The following FHIP1A variants were observed in gnomAD, a reference collection of about 807,000 sequenced individuals.
FHIP1A encodes the protein FHF complex subunit HOOK-interacting protein 1A.
A neutral mutation model predicts 88.6 loss-of-function variants in FHIP1A; 61 were observed. The ratio of observed to expected loss-of-function variants is 0.69; its 90% confidence interval spans 0.56 to 0.85. FHIP1A has a LOEUF of 0.85. Ranked by LOEUF, FHIP1A falls within the 40% of genes least tolerant of loss-of-function variation. The pLI is 0.00. For missense variants in FHIP1A, 1,154 were observed against 1,273.5 expected (o/e 0.91, Z 1.43); for synonymous variants, 478 against 496.0 (o/e 0.96, Z 0.48).
At chr4:151,572,199 T>A (rs537920462) in intron 4 of FHIP1A, among the ~76,000 whole-genome samples, 1 of 152,168 alleles carries the variant, frequency 6.6e-6, no homozygotes, top group Non-Finnish European at 1.5e-5. Context: ...AGAGCGAGAC[T>A]CCATCTCAAA....
At chr4:151,490,690 T>C (rs1435280266) in intron 3 of FHIP1A, among the ~76,000 whole-genome samples, 1 of 151,992 alleles carries the variant, frequency 6.6e-6, no homozygotes, top group Non-Finnish European at 1.5e-5. Context: ...GGTTGATTAT[T>C]AATCTACTCA....
Position 151,462,573 on chromosome 4 carries a change from T to C in FHIP1A, c.-248+7765T>C, listed in dbSNP as rs139379606. Among the ~76,000 whole-genome samples the C allele has an allele frequency of 9.9e-3, 1,502 of 152,276 alleles. 10 individuals are homozygous for C. The highest frequency in any genetic ancestry group is 0.015 in the Admixed American group (231 of 15,282). On this transcript the variant is annotated intron_variant, in intron 2 of 13. Transcript: ENST00000435205. ...TTTTTGGCATGCCTTTGAGTAAATA[T>C]TAAGATGATGATATTACAGAGGAGT...
intron 3 of FHIP1A, among the ~76,000 whole-genome samples, chr4:151,545,284 C>A (rs577226001): frequency 1.3e-5 from 2 of 150,116 alleles, no homozygotes; most frequent in South Asian, 4.2e-4. Flanking sequence ...AGTTTCAAGG[C>A]AGAACATACA....
intron 4 of FHIP1A, among the ~76,000 whole-genome samples, chr4:151,572,271 C>T (rs1007358278): frequency 2.6e-5 from 4 of 152,168 alleles, no homozygotes; most frequent in Non-Finnish European, 5.9e-5. Context: ...AGCTCTCTTA[C>T]TGTGTGCTTG....
chr4:151,524,950 T>C (rs2126700759), intron 3 of FHIP1A, among the ~76,000 whole-genome samples: 1 of 152,334 alleles, frequency 6.6e-6, no homozygotes, highest in South Asian at 2.1e-4. Flanking sequence ...AATTCTCAAA[T>C]GGTGCGTCAG....
chr4:151,504,806 A>T (rs4355371), intron 3 of FHIP1A, among the ~76,000 whole-genome samples: 4 of 151,820 alleles, frequency 2.6e-5, no homozygotes, highest in Admixed American at 6.6e-5. Flanking sequence ...TTAGGAGAGA[A>T]GGGGTTTCAC....
At chr4:151,468,025 C>G (rs899842259) in intron 2 of FHIP1A, among the ~76,000 whole-genome samples, 1 of 150,380 alleles carries the variant, frequency 6.6e-6, no homozygotes, top group African/African-American at 2.4e-5. Flanking sequence ...TGGCTCATGC[C>G]TGTAATCCCA....
chr4:151,573,622 G>A (rs1348849768), intron 4 of FHIP1A, among the ~76,000 whole-genome samples: 1 of 152,054 alleles, frequency 6.6e-6, no homozygotes, highest in Non-Finnish European at 1.5e-5. Context: ...TAGCTGAGAA[G>A]AAGCCAGGTA....
intron 3 of FHIP1A, chr4:151,534,958 C>G (rs1372979): frequency 0.15 from 22,176 of 152,260 alleles, 1,927 homozygotes; most frequent in African/African-American, 0.24. Context: ...TGGCTCACAC[C>G]TGTAATTCCA....
At chr4:151,486,898 G>T (rs904119051) in intron 3 of FHIP1A, among the ~76,000 whole-genome samples, 1 of 151,474 alleles carries the variant, frequency 6.6e-6, no homozygotes, top group African/African-American at 2.4e-5. Context: ...AACCTGGGAG[G>T]TAGAGGTTGC....
chr4:151,503,917 C>T (rs2126667133), intron 3 of FHIP1A, among the ~76,000 whole-genome samples: 1 of 152,318 alleles, frequency 6.6e-6, no homozygotes, highest in South Asian at 2.1e-4. Flanking sequence ...CAGAATTCCA[C>T]TCAGATTTAC....
At chr4:151,643,262 C>T (rs1736660668) in intron 9 of FHIP1A, among the ~76,000 whole-genome samples, 1 of 152,112 alleles carries the variant, frequency 6.6e-6, no homozygotes, top group Non-Finnish European at 1.5e-5. Context: ...TCTATTCTTT[C>T]TTCTGGGATG....
chr4:151,638,104 T>G (rs760833281), intron 8 of FHIP1A, among the ~76,000 whole-genome samples: 23 of 152,092 alleles, frequency 1.5e-4, no homozygotes, highest in Non-Finnish European at 2.6e-4. Flanking sequence ...TTAAAGAACT[T>G]TTTAGAAAAG....
Position 151,664,877 on chromosome 4 carries a change from T to C in FHIP1A, c.*2123T>C, listed in dbSNP as rs549286095. 6.6e-6 allele frequency among the ~76,000 whole-genome samples: 1 copy of C among 152,340 alleles called. No individual in the cohort carries two copies. Among genetic ancestry groups the C allele is most frequent in the East Asian group, 1.9e-4 (1 of 5,194 alleles). On this transcript the variant is annotated 3_prime_UTR_variant, in exon 14 of 14. Transcript: ENST00000435205. Reference sequence around the variant, plus strand: ...TCTTCTTGAATCCATATTTCTGCATTGTAGAATACCATGGTCCCCTTTGTG... The same window carrying C: ...TCTTCTTGAATCCATATTTCTGCATCGTAGAATACCATGGTCCCCTTTGTG...
intron 1 of FHIP1A, among the ~76,000 whole-genome samples, chr4:151,432,579 A>G (rs1483192229): frequency 6.6e-6 from 1 of 152,218 alleles, no homozygotes; most frequent in Admixed American, 6.5e-5. Flanking sequence ...ATTAGATTGC[A>G]AAAATTAGTT....
At chr4:151,426,531 C>G (rs1278061533) in intron 1 of FHIP1A, among the ~76,000 whole-genome samples, 1 of 152,080 alleles carries the variant, frequency 6.6e-6, no homozygotes, top group African/African-American at 2.4e-5. Flanking sequence ...ATAGGATAAT[C>G]AATTTTTCTT....
intron 3 of FHIP1A, among the ~76,000 whole-genome samples, chr4:151,517,238 C>T (rs1054942389): frequency 4.1e-4 from 62 of 149,854 alleles, no homozygotes; most frequent in Middle Eastern, 3.4e-3. Context: ...CACTCATAGG[C>T]GGGAATTGAA....
At chr4:151,625,494 A>G (rs1578833469) in intron 7 of FHIP1A, among the ~76,000 whole-genome samples, 1 of 152,328 alleles carries the variant, frequency 6.6e-6, no homozygotes, top group East Asian at 1.9e-4. Context: ...TTCTGGTACT[A>G]ATTTAGATGC....
In FHIP1A at chr4:151,668,060, A is replaced by T. The variant is rs1737727546; in HGVS notation, c.*5306A>T. On this transcript the variant is annotated 3_prime_UTR_variant, in exon 14 of 14. Coordinates refer to ENST00000435205, the MANE Select transcript of FHIP1A (RefSeq NM_001109977.3). ...TTTTAAAAGAGGGAATTTGGTGTTG[A>T]CAATCTTACTTACACGACTCTTGCT... is the stretch of plus-strand genomic sequence containing the variant. Among the ~76,000 whole-genome samples, 1 of 152,164 alleles carries T rather than the reference A, an allele frequency of 6.6e-6. No individual in the cohort carries two copies. The highest frequency in any genetic ancestry group is 2.4e-5 in the African/African-American group (1 of 41,434).
Sources: allele counts gnomAD v4.1 joint callset (sites outside exome capture counted in the v4.1 genomes callset), GRCh38; gene constraint gnomAD v4.1.1; transcripts MANE v1.5; gene names NCBI Gene and HGNC (gene_info 2026-07-23, HGNC 2026-07-21).